Variants in NELL1 observed in about 807,000 individuals in gnomAD.
NELL1 encodes protein kinase C-binding protein NELL1.
NELL1 carries 76 observed loss-of-function variants against 107.4 expected under a neutral mutation model. The ratio of observed to expected loss-of-function variants is 0.71; its 90% confidence interval spans 0.59 to 0.86. The LOEUF (loss-of-function observed/expected upper bound fraction) is 0.86. Among genes scored for constraint, NELL1 ranks in the 40% least tolerant of loss-of-function variants. The probability of loss-of-function intolerance (pLI) is 0.00; values close to 1 mark genes in which losing one functional copy is unlikely to be tolerated. For missense variants in NELL1, 1,024 were observed against 1,005.5 expected, an observed-to-expected ratio of 1.02 and a Z score of -0.25; for synonymous variants, 353 against 341.2, an observed-to-expected ratio of 1.03 and a Z score of -0.38.
At chr11:21,287,143 T>G (rs1246526702) in intron 14 of NELL1, among the ~76,000 whole-genome samples, 2 of 152,346 alleles carry the variant, frequency 1.3e-5, no homozygotes, top group African/African-American at 4.8e-5. Flanking sequence ...TGCGGCCAAC[T>G]TTTAAATAGA....
chr11:21,031,424 A>C (rs1291000362), intron 12 of NELL1, among the ~76,000 whole-genome samples: 1 of 152,218 alleles, frequency 6.6e-6, no homozygotes, highest in Non-Finnish European at 1.5e-5. Flanking sequence ...AGGTAGCAGC[A>C]TTGTGCACTG....
intron 14 of NELL1, among the ~76,000 whole-genome samples, chr11:21,253,860 G>A (rs2133913794): frequency 6.6e-6 from 1 of 152,174 alleles, no homozygotes; most frequent in East Asian, 1.9e-4. Flanking sequence ...AGCAAATCAA[G>A]GCAATTAAAC....
chr11:21,449,583 T>C (rs1853528378), intron 15 of NELL1, among the ~76,000 whole-genome samples: 1 of 152,228 alleles, frequency 6.6e-6, no homozygotes, highest in East Asian at 1.9e-4. Flanking sequence ...TTTATTCTTT[T>C]ATAGATTATG....
chr11:21,362,213 C>T (rs575948981), intron 14 of NELL1, among the ~76,000 whole-genome samples: 1 of 152,320 alleles, frequency 6.6e-6, no homozygotes, highest in East Asian at 1.9e-4. Context: ...CTCCCACTTT[C>T]CCCAGAGATG....
intron 15 of NELL1, among the ~76,000 whole-genome samples, chr11:21,384,309 G>T (rs1266688358): frequency 6.6e-6 from 1 of 151,824 alleles, no homozygotes; most frequent in Non-Finnish European, 1.5e-5. Context: ...TATTACAATG[G>T]CCTATAAGGC....
At chr11:20,847,886 C>A in intron 4 of NELL1, 133 bp downstream of exon 4, 2 of 884,664 alleles carry the variant, frequency 2.3e-6, no homozygotes, top group Non-Finnish European at 1.7e-6. Flanking sequence ...ATTTAACCTA[C>A]CAAATGGGAC....
chr11:20,724,132 C>T (rs1036337859), intron 2 of NELL1, among the ~76,000 whole-genome samples: 4 of 152,228 alleles, frequency 2.6e-5, no homozygotes, highest in Admixed American at 6.5e-5. Flanking sequence ...TTTTTCCCTC[C>T]TAGGCCTTGG....
chr11:21,374,887 C>CTGTGTGTGTG (rs10566953), intron 15 of NELL1, among the ~76,000 whole-genome samples: 1,797 of 143,826 alleles, frequency 0.012, 19 homozygotes, highest in Non-Finnish European at 0.02. Flanking sequence ...CTGTGTGTGT[C>CTGTGTGTGTG]TGTGTGTGTG....
intron 17 of NELL1, among the ~76,000 whole-genome samples, chr11:21,566,408 T>A (rs1856974080): frequency 6.6e-6 from 1 of 151,832 alleles, no homozygotes; most frequent in South Asian, 2.1e-4. Context: ...AATTTGTAAT[T>A]AATAGCAAAA....
intron 3 of NELL1, among the ~76,000 whole-genome samples, chr11:20,844,651 G>C (rs116920957): frequency 1.8e-4 from 28 of 152,236 alleles, no homozygotes; most frequent in African/African-American, 6.3e-4. Flanking sequence ...TGCTCGTAGC[G>C]TCAGACTTCT....
intron 4 of NELL1, among the ~76,000 whole-genome samples, chr11:20,883,699 C>T (rs553759643): frequency 6.6e-6 from 1 of 152,264 alleles, no homozygotes; most frequent in Non-Finnish European, 1.5e-5. Flanking sequence ...TTTTGCATTC[C>T]CTTTTTTCCA....
intron 11 of NELL1, among the ~76,000 whole-genome samples, chr11:20,952,690 G>A (rs1851092585): frequency 6.6e-6 from 1 of 152,164 alleles, no homozygotes; most frequent in African/African-American, 2.4e-5. Flanking sequence ...CAACTGTTGG[G>A]GCTGGGAACA....
At chr11:21,265,485 A>G (rs572088684) in intron 14 of NELL1, among the ~76,000 whole-genome samples, 89 of 152,062 alleles carry the variant, frequency 5.9e-4, no homozygotes, top group Non-Finnish European at 6.6e-4. Flanking sequence ...GTTATTAAAT[A>G]GTGATGGCAT....
At chr11:20,693,300 T>A (rs1183128203) in intron 2 of NELL1, among the ~76,000 whole-genome samples, 7 of 152,162 alleles carry the variant, frequency 4.6e-5, no homozygotes, top group Non-Finnish European at 8.8e-5. Flanking sequence ...AAAGCTAATA[T>A]TGTCGTATGT....
intron 2 of NELL1, among the ~76,000 whole-genome samples, chr11:20,694,532 C>G (rs1403267512): frequency 2.0e-5 from 3 of 152,014 alleles, no homozygotes; most frequent in African/African-American, 7.2e-5. Context: ...GGTCCTTTCC[C>G]CATCACTTAT....
At chr11:20,781,427 T>G (rs1590287934) in intron 2 of NELL1, among the ~76,000 whole-genome samples, 1 of 152,032 alleles carries the variant, frequency 6.6e-6, no homozygotes, top group Non-Finnish European at 1.5e-5. Context: ...AGATATAAAG[T>G]TGGAGGCCAT....
At chr11:20,803,848 A>G (rs2134005130) in intron 3 of NELL1, among the ~76,000 whole-genome samples, 1 of 152,260 alleles carries the variant, frequency 6.6e-6, no homozygotes, top group East Asian at 1.9e-4. Context: ...ATCAGCTGCC[A>G]GCATGGCTAG....
At chr11:20,813,522 A>G (rs1350704552) in intron 3 of NELL1, among the ~76,000 whole-genome samples, 1 of 152,136 alleles carries the variant, frequency 6.6e-6, no homozygotes, top group East Asian at 1.9e-4. Flanking sequence ...CTCCGATTTG[A>G]TTCTGGGTAC....
chr11:20,949,347 A>G (rs1225389791), intron 11 of NELL1, among the ~76,000 whole-genome samples: 1 of 152,198 alleles, frequency 6.6e-6, no homozygotes, highest in Admixed American at 6.5e-5. Context: ...GCTAACTATG[A>G]CATCAGAATA....
Sources: gnomAD v4.1 joint callset for allele counts (sites outside exome capture counted in the v4.1 genomes callset) on GRCh38, gnomAD v4.1.1 for gene constraint, MANE v1.5 for transcripts, NCBI Gene and HGNC (gene_info 2026-07-23, HGNC 2026-07-21) for gene names.